Variants in ATRNL1 observed in about 807,000 individuals in gnomAD.
ATRNL1 encodes attractin like 1, also known as attractin-like protein 1.
In ATRNL1, 95 loss-of-function variants were observed where a neutral mutation model predicts 182.7. That is an observed-to-expected ratio of 0.52 (90% CI 0.44 to 0.62). The LOEUF (loss-of-function observed/expected upper bound fraction) is 0.62, where lower values mean the gene tolerates loss of function less well. ATRNL1 is among the 20% of genes least tolerant of loss of function. ATRNL1 has a pLI of 0.00. For synonymous variants in ATRNL1, 576 were observed against 568.3 expected (o/e 1.01, Z -0.19); for missense variants, 1,471 against 1,679.5 (o/e 0.88, Z 2.17).
At chr10:115,521,670 CTATT>C (rs1554985237) in intron 25 of ATRNL1, among the ~76,000 whole-genome samples, 1 of 151,988 alleles carries the variant, frequency 6.6e-6, no homozygotes, top group East Asian at 1.9e-4. Context: ...AGAGATGATC[CTATT>C]TATTATGTTG....
chr10:115,469,258 A>G lies in ATRNL1; in HGVS notation c.3583A>G (p.Asn1195Asp). Residue 1195 changes from asparagine (N) to aspartate (D), a missense_variant, in exon 24 of 29, where the codon AAC (asparagine) becomes GAC (aspartate). Asn to Asp is a conservative substitution (Grantham distance 23). Around this residue, in one of 3 missense-constraint regions of ATRNL1, gnomAD observed 437 missense variants for 506.0 expected, o/e 0.86. Coordinates refer to ENST00000355044, the MANE Select transcript of ATRNL1 (RefSeq NM_207303.4). The stretch of plus-strand genomic sequence containing the variant: ...AGATAGTTTTTCCTATGAAAAATTT[A>G]ACTTTAGAAGCAATCCTAACATTAC... The part of the protein sequence containing the change: ...YRDSFSYEKF[N>D]FRSNPNITFY... 6.6e-7 allele frequency: 1 copy of G among 1,521,324 alleles called. No individual in the cohort carries two copies. 94.2% of individuals were successfully genotyped at this position (1,521,324 alleles called of 1,614,324 possible).
chr10:115,203,562 A>C (rs148079183), intron 8 of ATRNL1, among the ~76,000 whole-genome samples: 197 of 149,274 alleles, frequency 1.3e-3, no homozygotes, highest in African/African-American at 4.5e-3. Context: ...AAAGTTTAAA[A>C]CTAGATTGGG....
Position 115,432,303 on chromosome 10 carries a change from T to C in ATRNL1, c.3322+6001T>C, listed in dbSNP as rs571498203. Among the ~76,000 whole-genome samples, 26 of 152,276 alleles carry C rather than the reference T, an allele frequency of 1.7e-4. No homozygotes were observed. In the East Asian group the frequency reaches 2.9e-3, roughly 17 times the overall value. ...TTTTCAACTAGTCAATAGCCACATATGGCTAGTGGTGACCTTATTGGACAA... is the reference window on the plus strand; with the variant it reads ...TTTTCAACTAGTCAATAGCCACATACGGCTAGTGGTGACCTTATTGGACAA... On this transcript the variant is annotated intron_variant, in intron 21 of 28. Transcript: ENST00000355044.
At chr10:115,344,575 GTTAA>G (rs2134104253) in intron 19 of ATRNL1, among the ~76,000 whole-genome samples, 1 of 152,254 alleles carries the variant, frequency 6.6e-6, no homozygotes, top group South Asian at 2.1e-4. Flanking sequence ...CCATCCAAGA[GTTAA>G]GTCCTAAAAT....
rs574497696 is a variant in ATRNL1, at chr10:115,560,982, G to A, written c.3795+11446G>A. On this transcript the variant is annotated intron_variant, in intron 26 of 28. Coordinates refer to ENST00000355044, the MANE Select transcript of ATRNL1 (RefSeq NM_207303.4). The stretch of plus-strand genomic sequence containing the variant: ...AAGAGTGAAGTTGGACCCATTACTC[G>A]TATCACCATACACAAATAAAGTCAA... 2.4e-4 allele frequency among the ~76,000 whole-genome samples: 37 copies of A among 152,198 alleles called. 1 individual carries two copies. The highest frequency in any genetic ancestry group is 8.2e-4 in the African/African-American group (34 of 41,528).
chr10:115,897,948 A>G (rs1654952155), intron 28 of ATRNL1, among the ~76,000 whole-genome samples: 3 of 150,344 alleles, frequency 2.0e-5, no homozygotes, highest in African/African-American at 7.4e-5. Context: ...TTTTTTTGAG[A>G]CAGGGTCTCA....
chr10:115,344,527 A>T (rs2134104029), intron 19 of ATRNL1, among the ~76,000 whole-genome samples: 1 of 152,202 alleles, frequency 6.6e-6, no homozygotes, highest in African/African-American at 2.4e-5. Flanking sequence ...CCTTTAGGGG[A>T]GTGGGCTCCC....
At chr10:115,934,863 T>C (rs1433018830) in intron 28 of ATRNL1, among the ~76,000 whole-genome samples, 1 of 152,188 alleles carries the variant, frequency 6.6e-6, no homozygotes, top group African/African-American at 2.4e-5. Context: ...TCCTGTATTC[T>C]CTCTTACCAT....
At chr10:115,229,942 C>T (rs76691288) in intron 9 of ATRNL1, among the ~76,000 whole-genome samples, 5,149 of 152,234 alleles carry the variant, frequency 0.034, 123 homozygotes, top group Non-Finnish European at 0.054. Flanking sequence ...AGAAAGAGGA[C>T]ATTACAATAC....
At chr10:115,323,416 TCCCC>T (rs1854691138) in intron 18 of ATRNL1, among the ~76,000 whole-genome samples, 3 of 44,314 alleles carry the variant, frequency 6.8e-5, no homozygotes, top group Non-Finnish European at 9.7e-5. Context: ...TCCCCTCCCC[TCCCC>T]TCCCCTCCCC....
chr10:115,466,357 A>G (rs911317090), intron 22 of ATRNL1, among the ~76,000 whole-genome samples: 1 of 151,434 alleles, frequency 6.6e-6, no homozygotes, highest in Non-Finnish European at 1.5e-5. Flanking sequence ...TGTAGAGAAT[A>G]TTTAAAATAA....
At chr10:115,772,467 G>T (rs1949015614) in intron 27 of ATRNL1, among the ~76,000 whole-genome samples, 1 of 151,930 alleles carries the variant, frequency 6.6e-6, no homozygotes, top group Admixed American at 6.6e-5. Flanking sequence ...GCTCAAAAAT[G>T]AAAAAGATTT....
intron 26 of ATRNL1, among the ~76,000 whole-genome samples, chr10:115,664,748 T>A: frequency 6.6e-6 from 1 of 152,122 alleles, no homozygotes; most frequent in East Asian, 1.9e-4. Flanking sequence ...AATCAATATT[T>A]TTTTTCTCAT....
intron 15 of ATRNL1, among the ~76,000 whole-genome samples, chr10:115,294,860 C>A (rs545355888): frequency 6.6e-6 from 1 of 152,290 alleles, no homozygotes; most frequent in Non-Finnish European, 1.5e-5. Context: ...GTGACATTTT[C>A]AAGTGTCTTG....
At chr10:115,580,084 T>A (rs1854975950) in intron 26 of ATRNL1, among the ~76,000 whole-genome samples, 1 of 152,106 alleles carries the variant, frequency 6.6e-6, no homozygotes, top group African/African-American at 2.4e-5. Flanking sequence ...TAGTTATAGT[T>A]GTATTTGAAA....
At chr10:115,597,564 G>A in intron 26 of ATRNL1, 1 of 388,682 alleles carries the variant, frequency 2.6e-6, no homozygotes, top group Non-Finnish European at 4.8e-6. Flanking sequence ...TTCATTTATG[G>A]GAGCTTTTTT....
At chr10:115,703,768 C>G (rs1946812769) in intron 26 of ATRNL1, among the ~76,000 whole-genome samples, 1 of 151,568 alleles carries the variant, frequency 6.6e-6, no homozygotes, top group African/African-American at 2.4e-5. Context: ...AACCAGAATG[C>G]TCTATAAAAA....
At chr10:115,742,444 A>G (rs1441821278) in intron 27 of ATRNL1, among the ~76,000 whole-genome samples, 2 of 152,138 alleles carry the variant, frequency 1.3e-5, no homozygotes, top group African/African-American at 2.4e-5. Context: ...ATAATTTTTC[A>G]CGATAATTGA....
intron 24 of ATRNL1, among the ~76,000 whole-genome samples, chr10:115,503,133 G>A (rs1475323375): frequency 6.6e-6 from 1 of 151,966 alleles, no homozygotes; most frequent in East Asian, 1.9e-4. Flanking sequence ...AATATTACAA[G>A]GACTTTAAAA....
Sources: gnomAD v4.1 joint callset for allele counts (sites outside exome capture counted in the v4.1 genomes callset) on GRCh38, gnomAD v4.1.1 for gene constraint, gnomAD v4.1.1 regional missense constraint, MANE v1.5 for transcripts, NCBI Gene and HGNC (gene_info 2026-07-23, HGNC 2026-07-21) for gene names.